Variants in CXorf58 observed in about 807,000 individuals in gnomAD.
CXorf58 encodes chromosome X open reading frame 58, also known as uncharacterized protein CXorf58.
Under a neutral mutation model 26.0 loss-of-function variants are expected in CXorf58, and 24 were observed. The observed-to-expected ratio is 0.92, with a 90% CI of 0.67 to 1.30. CXorf58 has a LOEUF of 1.30. Ranked by LOEUF, CXorf58 falls within the 50% of genes most tolerant of loss-of-function variation. The pLI, the probability that CXorf58 is intolerant of heterozygous loss-of-function variation, is 0.00. For missense variants in CXorf58, 236 were observed against 263.9 expected, an observed-to-expected ratio of 0.89 and a Z score of 0.73; for synonymous variants, 87 against 86.1, an observed-to-expected ratio of 1.01 and a Z score of -0.06.
At position 23,938,555 on chromosome X, in the gene CXorf58, A is replaced by G. The variant is rs1265085121; in HGVS notation, c.794A>G (p.Tyr265Cys). ...LRIVSEIRGP[Y>C]LTVQPLYRPY... ...ATACAAACATTTTCTAGGGGTCCATACTTAACTGTCCAACCTCTATATCGG... is the reference window on the plus strand; with the variant it reads ...ATACAAACATTTTCTAGGGGTCCATGCTTAACTGTCCAACCTCTATATCGG... Residue 265 changes from tyrosine to cysteine, a missense_variant, in exon 8 of 9, where the codon TAC (tyrosine) becomes TGC (cysteine). By Grantham distance (194) the Tyr-to-Cys change is radical (BLOSUM62 -2). Transcript: ENST00000379211. The G allele has an allele frequency of 8.6e-7, 1 of 1,159,292 alleles. No homozygotes were observed. Among genetic ancestry groups the G allele is most frequent in the Non-Finnish European group, 1.1e-6 (1 of 874,787 alleles).
intron 5 of CXorf58, among the ~76,000 whole-genome samples, chrX:23,923,618 G>A (rs771451422): frequency 9.7e-6 from 1 of 102,953 alleles, no homozygotes; most frequent in South Asian, 5.0e-4. Flanking sequence ...CAGCCTGGGC[G>A]ATAGAGGGAG....
chrX:23,926,484 C>A (rs1157347327), intron 5 of CXorf58, among the ~76,000 whole-genome samples: 1 of 111,824 alleles, frequency 8.9e-6, no homozygotes, highest in Non-Finnish European at 1.9e-5. Flanking sequence ...TTTCCACTTA[C>A]CAGCAGTGTA....
intron 8 of CXorf58, 23 bp from the exon 9 acceptor site, chrX:23,939,221 C>T: frequency 8.9e-7 from 1 of 1,122,832 alleles, no homozygotes. Flanking sequence ...ACACTTCCTA[C>T]TTTTATTGAT....
intron 5 of CXorf58, among the ~76,000 whole-genome samples, chrX:23,925,786 C>CT (rs11296283): frequency 0.059 from 4,240 of 71,683 alleles, 351 homozygotes; most frequent in African/African-American, 0.21. Flanking sequence ...CTTTTCTTTT[C>CT]TTTTTTTTTT....
chrX:23,927,580 A>T (rs908960177), intron 6 of CXorf58, among the ~76,000 whole-genome samples: 6 of 110,601 alleles, frequency 5.4e-5, no homozygotes, highest in African/African-American at 1.3e-4. Flanking sequence ...TTCTTTTAAA[A>T]TTTTTTTTTA....
intron 5 of CXorf58, among the ~76,000 whole-genome samples, chrX:23,921,776 G>A (rs1927875079): frequency 9.0e-6 from 1 of 110,733 alleles, no homozygotes; most frequent in Non-Finnish European, 1.9e-5. Flanking sequence ...TTGGCTCACT[G>A]CAACCTCCCC....
chrX:23,938,490 T>G, intron 7 of CXorf58, 57 bp from the exon 8 acceptor site: 4 of 963,822 alleles, frequency 4.2e-6, no homozygotes, highest in Non-Finnish European at 5.6e-6. Flanking sequence ...GGAACTTGCT[T>G]TGCATTTATA....
intron 3 of CXorf58, among the ~76,000 whole-genome samples, chrX:23,913,514 T>C (rs1927637318): frequency 9.0e-6 from 1 of 111,198 alleles, no homozygotes; most frequent in South Asian, 3.7e-4. Flanking sequence ...TAAGGGAATT[T>C]TAGCAGCTCT....
chrX:23,927,285 G>C lies in CXorf58; in HGVS notation c.470G>C (p.Arg157Pro). The change falls in exon 6 of 9, where the codon CGT (arginine) becomes CCT (proline). Residue 157 changes from arginine to proline, a missense_variant. By Grantham distance (103) the Arg-to-Pro change is moderately radical. Coordinates refer to ENST00000379211, the MANE Select transcript of CXorf58 (RefSeq NM_152761.3). The part of the protein sequence containing the change: ...CKLMGERKFH[R>P]IIMEDERIFP... Reference sequence around the variant, plus strand: ...CTAATGGGGGAAAGGAAATTTCACCGTATAATTATGGAAGATGAACGTATT... The same window carrying C: ...CTAATGGGGGAAAGGAAATTTCACCCTATAATTATGGAAGATGAACGTATT... 8.6e-7 allele frequency: 1 copy of C among 1,159,970 alleles called. No homozygotes were observed. The highest frequency in any genetic ancestry group is 1.9e-5 in the South Asian group (1 of 52,308).
At chrX:23,916,820 G>A (rs1298754643) in intron 5 of CXorf58, among the ~76,000 whole-genome samples, 1 of 107,742 alleles carries the variant, frequency 9.3e-6, no homozygotes, top group Non-Finnish European at 1.9e-5. Flanking sequence ...AACCCAGGAG[G>A]TGGAGGCTGC....
intron 6 of CXorf58, among the ~76,000 whole-genome samples, chrX:23,934,608 A>G (rs1928245591): frequency 9.0e-6 from 1 of 111,335 alleles, no homozygotes; most frequent in South Asian, 3.8e-4. Flanking sequence ...GTTCTAGGGT[A>G]CATGTGCACA....
intron 6 of CXorf58, among the ~76,000 whole-genome samples, chrX:23,929,145 G>A (rs1184461001): frequency 9.0e-6 from 1 of 111,186 alleles, no homozygotes; most frequent in Admixed American, 9.6e-5. Flanking sequence ...AGCCACTCAC[G>A]CCTGTAATCC....
rs192476233 is a variant in CXorf58, at chrX:23,913,694, C to A, written c.216+1838C>A. ...CCGAGGCGGGTGGATTGCCTGAGGTCAGGAGTTCGAGACCAGTCCGGTCAA... is the reference window on the plus strand; with the variant it reads ...CCGAGGCGGGTGGATTGCCTGAGGTAAGGAGTTCGAGACCAGTCCGGTCAA... On this transcript the variant is annotated intron_variant, in intron 3 of 8. Coordinates refer to ENST00000379211, the MANE Select transcript of CXorf58 (RefSeq NM_152761.3). 4.2e-3 allele frequency among the ~76,000 whole-genome samples: 466 copies of A among 110,534 alleles called. 1 individual carries two copies. Among genetic ancestry groups the A allele is most frequent in the African/African-American group, 0.014 (436 of 30,421 alleles).
rs746688161 is a variant in CXorf58, at chrX:23,924,613, A to G, written c.424-2626A>G. On this transcript the variant is annotated intron_variant, in intron 5 of 8. Coordinates refer to ENST00000379211, the MANE Select transcript of CXorf58 (RefSeq NM_152761.3). ...GCTGGGATTACAGGTGTGAGCTACT[A>G]CACCCGGCCTATCTTTTCTTTAGTT... 9.9e-4 allele frequency among the ~76,000 whole-genome samples: 102 copies of G among 103,281 alleles called. 1 individual carries two copies. The highest frequency in any genetic ancestry group is 3.5e-3 in the African/African-American group (98 of 28,076). The allele number at this position is 103,281 out of a possible 115,157, so 89.7% of individuals were successfully genotyped here.
chrX:23,927,522 A>G, intron 6 of CXorf58, 152 bp downstream of exon 6: 2 of 225,625 alleles, frequency 8.9e-6, no homozygotes, highest in South Asian at 4.8e-4. Context: ...TTTTTCAAAT[A>G]TATTCTATAG....
At chrX:23,924,057 C>A (rs1027204245) in intron 5 of CXorf58, among the ~76,000 whole-genome samples, 1 of 111,719 alleles carries the variant, frequency 9.0e-6, no homozygotes, top group Non-Finnish European at 1.9e-5. Flanking sequence ...CAGAGCAAGA[C>A]TCCGTCTCAA....
In CXorf58 at chrX:23,927,229, C is replaced by A. The variant is rs369755425; in HGVS notation, c.424-10C>A. 5.3e-6 allele frequency: 6 copies of A among 1,123,697 alleles called. No individual in the cohort carries two copies. The African/African-American group carries it at 7.4e-5, about 14-fold the overall frequency. 92.6% of individuals were successfully genotyped at this position (1,123,697 alleles called of 1,213,427 possible). ...CTATTTTTAAAGTCTATTTTCTATT[C>A]TTTTTACAGGCAGTGGATGATGCTT... On this transcript the variant is annotated splice_polypyrimidine_tract_variant and intron_variant, in intron 5 of 8. Transcript: ENST00000379211.
rs187793513 is a variant in CXorf58, at chrX:23,911,925, A to G, written c.216+69A>G. ...AAGCTAAAAGATCTATTAATTAAAGATCGAATAGATAACCTTCTTTATCTC... is the reference window on the plus strand; with the variant it reads ...AAGCTAAAAGATCTATTAATTAAAGGTCGAATAGATAACCTTCTTTATCTC... On this transcript the variant is annotated intron_variant, in intron 3 of 8. Transcript: ENST00000379211. 396 of 722,349 alleles carry G rather than the reference A, an allele frequency of 5.5e-4. No homozygotes were observed. In the African/African-American group the frequency reaches 8.1e-3, roughly 15 times the overall value. 59.5% of individuals were successfully genotyped at this position (722,349 alleles called of 1,213,427 possible).
chrX:23,913,893 G>T (rs948956955), intron 3 of CXorf58, among the ~76,000 whole-genome samples: 2 of 109,628 alleles, frequency 1.8e-5, no homozygotes, highest in Non-Finnish European at 3.8e-5. Context: ...ATACTTCAGA[G>T]AAAACCCACC....
Sources: allele counts gnomAD v4.1 joint callset (sites outside exome capture counted in the v4.1 genomes callset), GRCh38; gene constraint gnomAD v4.1.1; transcripts MANE v1.5; gene names NCBI Gene and HGNC (gene_info 2026-07-23, HGNC 2026-07-21).